Variants in FOXP1 observed in about 807,000 individuals in gnomAD.
The protein encoded by FOXP1 is forkhead box P1, also known as forkhead box protein P1.
FOXP1 carries 15 observed loss-of-function variants against 98.2 expected under a neutral mutation model. The ratio of observed to expected loss-of-function variants is 0.15; its 90% CI spans 0.10 to 0.24. The LOEUF is 0.24. Ranked by LOEUF, FOXP1 falls within the 10% of genes least tolerant of loss-of-function variation. FOXP1 has a pLI of 1.00. For missense variants in FOXP1, 633 were observed against 848.5 expected (o/e 0.75, Z 3.15); for synonymous variants, 371 against 314.5 (o/e 1.18, Z -1.90).
chr3:71,130,372 G>GA (rs1025800176), intron 6 of FOXP1: 16 of 909,866 alleles, frequency 1.8e-5, no homozygotes, highest in African/African-American at 1.7e-4. Flanking sequence ...GAAGGGGGAG[G>GA]AAAAAAAGCA....
chr3:71,297,721 T>G (rs1576835382), intron 5 of FOXP1, among the ~76,000 whole-genome samples: 1 of 151,338 alleles, frequency 6.6e-6, no homozygotes, highest in African/African-American at 2.4e-5. Context: ...GTTTAAGTGA[T>G]TCTCCTGCCT....
intron 2 of FOXP1, among the ~76,000 whole-genome samples, chr3:71,517,105 T>C (rs530202088): frequency 1.6e-4 from 24 of 152,222 alleles, no homozygotes; most frequent in African/African-American, 5.3e-4. Flanking sequence ...CATACTTTAA[T>C]ACAAAGTTTC....
chr3:71,565,077 C>A (rs1344004129), intron 2 of FOXP1, among the ~76,000 whole-genome samples: 2 of 152,044 alleles, frequency 1.3e-5, no homozygotes, highest in Non-Finnish European at 2.9e-5. Context: ...CCAGCCTGGG[C>A]GACAGAGCAA....
intron 2 of FOXP1, among the ~76,000 whole-genome samples, chr3:71,497,429 T>C (rs1195655687): frequency 6.6e-6 from 1 of 152,206 alleles, no homozygotes; most frequent in Non-Finnish European, 1.5e-5. Flanking sequence ...TAACAAACAA[T>C]GTGCAAGTCT....
At chr3:71,508,467 C>A (rs1364634421) in intron 2 of FOXP1, among the ~76,000 whole-genome samples, 1 of 152,138 alleles carries the variant, frequency 6.6e-6, no homozygotes, top group Non-Finnish European at 1.5e-5. Context: ...TGGAGTCAGA[C>A]GGCCTGGGTG....
intron 7 of FOXP1, among the ~76,000 whole-genome samples, chr3:71,099,038 T>C (rs952226532): frequency 2.0e-5 from 3 of 152,216 alleles, no homozygotes; most frequent in Non-Finnish European, 2.9e-5. Flanking sequence ...ATAAATGCTA[T>C]GATTACCACA....
At chr3:71,575,293 G>C (rs1181812968) in intron 2 of FOXP1, among the ~76,000 whole-genome samples, 1 of 152,198 alleles carries the variant, frequency 6.6e-6, no homozygotes, top group Non-Finnish European at 1.5e-5. Context: ...TGAAGATAGA[G>C]ATTTCAGTTC....
At chr3:71,198,173 C>T (rs2063412702) in intron 6 of FOXP1, 29 bp downstream of exon 6, 3 of 1,613,940 alleles carry the variant, frequency 1.9e-6, no homozygotes, top group Non-Finnish European at 2.5e-6. Flanking sequence ...CCCACCACCT[C>T]CACCTCCCAA....
intron 7 of FOXP1, among the ~76,000 whole-genome samples, chr3:71,107,407 T>C (rs908054100): frequency 6.6e-6 from 1 of 152,188 alleles, no homozygotes; most frequent in Non-Finnish European, 1.5e-5. Flanking sequence ...TTTGTAATGG[T>C]GCATGTAATC....
intron 6 of FOXP1, among the ~76,000 whole-genome samples, chr3:71,115,880 G>C (rs904188460): frequency 1.3e-5 from 2 of 151,904 alleles, no homozygotes; most frequent in Middle Eastern, 3.2e-3. Flanking sequence ...GGGACTACAG[G>C]CACCTGCCAC....
At chr3:71,181,170 C>A (rs2108280756) in intron 6 of FOXP1, among the ~76,000 whole-genome samples, 1 of 152,180 alleles carries the variant, frequency 6.6e-6, no homozygotes, top group South Asian at 2.1e-4. Flanking sequence ...TACAATGACC[C>A]AAGATGATTG....
chr3:70,958,299 G>C lies in FOXP1; in HGVS notation c.*948C>G, dbSNP rs2032331240. 1 of 535,072 alleles carries C rather than the reference G, an allele frequency of 1.9e-6. No individual in the cohort carries two copies. The highest frequency in any genetic ancestry group is 1.5e-5 in the South Asian group (1 of 65,214). 33.1% of individuals were successfully genotyped at this position (535,072 alleles called of 1,614,324 possible). On this transcript the variant is annotated 3_prime_UTR_variant, in exon 21 of 21. Transcript: ENST00000649528. ...GTGGAATGAATCGGCATTGTTCCTA[G>C]AGTTTGTCTCTCTTTTTTTTTTCTG...
chr3:71,223,965 C>T (rs1389137274), intron 5 of FOXP1, among the ~76,000 whole-genome samples: 1 of 152,174 alleles, frequency 6.6e-6, no homozygotes, highest in African/African-American at 2.4e-5. Flanking sequence ...ATCACGCTCC[C>T]TAGTATGGCA....
intron 5 of FOXP1, among the ~76,000 whole-genome samples, chr3:71,232,877 C>CCAAAAAAAAAAAAAA (rs1553791711): frequency 3.2e-5 from 1 of 31,422 alleles, no homozygotes; most frequent in African/African-American, 1.1e-4. Flanking sequence ...AACTCTGTCT[C>CCAAAAAAAAAAAAAA]AAAAAAAAAA....
intron 13 of FOXP1, among the ~76,000 whole-genome samples, chr3:70,999,142 T>G (rs1286285516): frequency 6.6e-6 from 1 of 152,078 alleles, no homozygotes; most frequent in East Asian, 1.9e-4. Context: ...CAGGCTGGAG[T>G]GCAGTGGCGC....
At chr3:71,009,465 C>A (rs532385007) in intron 12 of FOXP1, among the ~76,000 whole-genome samples, 1 of 152,192 alleles carries the variant, frequency 6.6e-6, no homozygotes, top group South Asian at 2.1e-4. Flanking sequence ...TTACTGTCTA[C>A]CCCTTTATGG....
chr3:71,183,519 A>C (rs1347087215), intron 6 of FOXP1, among the ~76,000 whole-genome samples: 4 of 152,184 alleles, frequency 2.6e-5, no homozygotes, highest in African/African-American at 9.6e-5. Flanking sequence ...CAAAACAAAA[A>C]AAACCCAAAA....
chr3:71,553,616 A>G (rs1287747065), intron 2 of FOXP1, among the ~76,000 whole-genome samples: 1 of 152,240 alleles, frequency 6.6e-6, no homozygotes, highest in Non-Finnish European at 1.5e-5. Context: ...AACAGTCTCA[A>G]AAGAAATTGT....
intron 7 of FOXP1, among the ~76,000 whole-genome samples, chr3:71,059,212 T>C (rs770236278): frequency 6.6e-6 from 1 of 152,186 alleles, no homozygotes; most frequent in Non-Finnish European, 1.5e-5. Context: ...CACAAAAAAA[T>C]TGTAAGGCCA....
Sources: gnomAD v4.1 joint callset for allele counts (sites outside exome capture counted in the v4.1 genomes callset) on GRCh38, gnomAD v4.1.1 for gene constraint, MANE v1.5 for transcripts, NCBI Gene and HGNC (gene_info 2026-07-23, HGNC 2026-07-21) for gene names.